Variants in LRMDA observed in about 807,000 individuals in gnomAD.
The protein encoded by LRMDA is leucine-rich melanocyte differentiation-associated protein.
LRMDA carries 18 observed loss-of-function variants against 29.8 expected under a neutral mutation model. The observed-to-expected ratio is 0.60, with a 90% CI of 0.42 to 0.90. LRMDA has a LOEUF of 0.90. Ranked by LOEUF, LRMDA falls within the 40% of genes least tolerant of loss-of-function variation. The probability of loss-of-function intolerance (pLI) is 0.00; values close to 1 mark genes in which losing one functional copy is unlikely to be tolerated. For synonymous variants in LRMDA, 125 were observed against 109.4 expected, an observed-to-expected ratio of 1.14 and a Z score of -0.89; for missense variants, 273 against 273.9, an observed-to-expected ratio of 1.00 and a Z score of 0.02.
chr10:76,495,371 G>GTATC (rs1842871968), intron 6 of LRMDA, among the ~76,000 whole-genome samples: 1 of 151,760 alleles, frequency 6.6e-6, no homozygotes, highest in African/African-American at 2.4e-5. Flanking sequence ...ATTGATTAAT[G>GTATC]TATCTATCTT....
At chr10:76,022,658 T>C (rs1474243603) in intron 2 of LRMDA, among the ~76,000 whole-genome samples, 1 of 152,112 alleles carries the variant, frequency 6.6e-6, no homozygotes, top group East Asian at 1.9e-4. Flanking sequence ...TAATCTTCCT[T>C]ACTTTGCTAG....
intron 2 of LRMDA, among the ~76,000 whole-genome samples, chr10:75,994,304 C>T (rs1195809684): frequency 6.6e-6 from 1 of 152,210 alleles, no homozygotes; most frequent in African/African-American, 2.4e-5. Context: ...GCCATTCCAT[C>T]TGTTTGGACT....
chr10:75,560,965 T>A (rs1027929408), intron 2 of LRMDA, among the ~76,000 whole-genome samples: 2 of 151,008 alleles, frequency 1.3e-5, no homozygotes. Flanking sequence ...TTTGCATCAA[T>A]GTTCATCAAG....
At chr10:76,062,694 GTGT>G (rs1163207625) in intron 5 of LRMDA, among the ~76,000 whole-genome samples, 1 of 149,680 alleles carries the variant, frequency 6.7e-6, no homozygotes, top group East Asian at 2.0e-4. Flanking sequence ...GTGTGTGTGT[GTGT>G]TATTAGTTGA....
intron 5 of LRMDA, among the ~76,000 whole-genome samples, chr10:76,067,267 C>T (rs1251294805): frequency 1.3e-5 from 2 of 152,156 alleles, no homozygotes; most frequent in Non-Finnish European, 2.9e-5. Flanking sequence ...CTAACTGGGC[C>T]ATAAAAAGTT....
chr10:76,001,606 ATATT>A (rs1475953822), intron 2 of LRMDA, among the ~76,000 whole-genome samples: 3 of 151,742 alleles, frequency 2.0e-5, no homozygotes, highest in South Asian at 2.1e-4. Context: ...ATTTAATGAA[ATATT>A]TATTTAATTT....
chr10:75,940,212 C>G (rs1271667541), intron 2 of LRMDA, among the ~76,000 whole-genome samples: 1 of 152,120 alleles, frequency 6.6e-6, no homozygotes, highest in East Asian at 1.9e-4. Flanking sequence ...GGGGCAATTT[C>G]TGATGTAAAC....
At chr10:76,047,534 G>T (rs1379039261) in intron 4 of LRMDA, among the ~76,000 whole-genome samples, 1 of 152,142 alleles carries the variant, frequency 6.6e-6, no homozygotes, top group African/African-American at 2.4e-5. Flanking sequence ...TTTGTGAAGT[G>T]CCAGATATTA....
At chr10:75,746,032 ATTTG>A (rs1842886439) in intron 2 of LRMDA, among the ~76,000 whole-genome samples, 3 of 152,302 alleles carry the variant, frequency 2.0e-5, no homozygotes, top group African/African-American at 7.2e-5. Flanking sequence ...TGGTTAAGGT[ATTTG>A]TTTGGGAGGT....
In LRMDA at chr10:75,563,000, T is replaced by G. The variant is rs1175153994; in HGVS notation, c.131+124506T>G. Among the ~76,000 whole-genome samples the G allele has an allele frequency of 2.6e-5, 4 of 152,130 alleles. No homozygotes were observed. The East Asian group carries it at 7.7e-4, about 29-fold the overall frequency. On this transcript the variant is annotated intron_variant, in intron 2 of 6. Transcript: ENST00000611255. ...TTTCAACCTTGGTGAATCTGACAAT[T>G]ATGTGTCTTGGAGTTGCTCTTCTTG... is the stretch of plus-strand genomic sequence containing the variant.
intron 2 of LRMDA, among the ~76,000 whole-genome samples, chr10:75,584,281 G>A (rs958011423): frequency 6.6e-6 from 1 of 152,060 alleles, no homozygotes; most frequent in African/African-American, 2.4e-5. Flanking sequence ...TATTGCTTGA[G>A]TAACCTCTGC....
intron 2 of LRMDA, among the ~76,000 whole-genome samples, chr10:75,901,778 G>C (rs73293352): frequency 1.3e-5 from 2 of 152,090 alleles, no homozygotes; most frequent in Non-Finnish European, 2.9e-5. Flanking sequence ...GCTGATTGCC[G>C]CGAATTAATT....
chr10:76,049,828 C>T (rs370642819), intron 4 of LRMDA, among the ~76,000 whole-genome samples: 2 of 152,134 alleles, frequency 1.3e-5, no homozygotes, highest in East Asian at 1.9e-4. Flanking sequence ...CTAGCTGTTT[C>T]CCAGAGCCTA....
chr10:76,331,156 A>G (rs1840900166), intron 6 of LRMDA, among the ~76,000 whole-genome samples: 1 of 152,162 alleles, frequency 6.6e-6, no homozygotes, highest in South Asian at 2.1e-4. Flanking sequence ...CTGTAATCCT[A>G]GCTACTTGGG....
intron 2 of LRMDA, among the ~76,000 whole-genome samples, chr10:75,599,687 C>G (rs150125131): frequency 1.6e-4 from 24 of 152,342 alleles, no homozygotes; most frequent in African/African-American, 5.8e-4. Flanking sequence ...TGTTCTACAT[C>G]TGCAGTGTCC....
At chr10:76,345,999 A>T (rs1370237123) in intron 6 of LRMDA, among the ~76,000 whole-genome samples, 1 of 152,194 alleles carries the variant, frequency 6.6e-6, no homozygotes, top group East Asian at 1.9e-4. Context: ...TTGAGCAAAA[A>T]CATGTTTGAG....
At chr10:76,389,436 T>C (rs1028887046) in intron 6 of LRMDA, among the ~76,000 whole-genome samples, 2 of 152,248 alleles carry the variant, frequency 1.3e-5, no homozygotes, top group African/African-American at 4.8e-5. Context: ...CAATTAGCCA[T>C]GTATTTATTA....
At chr10:76,013,676 G>C (rs922198481) in intron 2 of LRMDA, among the ~76,000 whole-genome samples, 18 of 152,060 alleles carry the variant, frequency 1.2e-4, no homozygotes, top group African/African-American at 4.1e-4. Flanking sequence ...AGAGGGAGGT[G>C]GGGGGGAAGG....
chr10:76,531,937 T>C (rs775646097), intron 6 of LRMDA, among the ~76,000 whole-genome samples: 1 of 152,190 alleles, frequency 6.6e-6, no homozygotes, highest in Non-Finnish European at 1.5e-5. Context: ...AATAGTGAAC[T>C]CTGCATTCAA....
Sources: allele counts gnomAD v4.1 joint callset (sites outside exome capture counted in the v4.1 genomes callset), GRCh38; gene constraint gnomAD v4.1.1; transcripts MANE v1.5; gene names NCBI Gene and HGNC (gene_info 2026-07-23, HGNC 2026-07-21).